Variants in MAEL observed in about 807,000 individuals in gnomAD.
MAEL encodes the protein maelstrom spermatogenic transposon silencer.
A neutral mutation model predicts 62.0 loss-of-function variants in MAEL; 46 were observed. The ratio of observed to expected loss-of-function variants is 0.74; its 90% confidence interval spans 0.59 to 0.95. MAEL has a LOEUF of 0.95. Among genes scored for constraint, MAEL ranks in the 40% least tolerant of loss-of-function variants. The pLI, the probability that MAEL is intolerant of heterozygous loss-of-function variation, is 0.00. For missense variants in MAEL, 497 were observed against 526.8 expected (o/e 0.94, Z 0.55); for synonymous variants, 172 against 175.5 (o/e 0.98, Z 0.16).
At chr1:167,009,983 A>G in intron 8 of MAEL, among the ~76,000 whole-genome samples, 1 of 152,124 alleles carries the variant, frequency 6.6e-6, no homozygotes, top group Middle Eastern at 3.2e-3. Flanking sequence ...TTAACATGGA[A>G]TGGTAATTGA....
intron 1 of MAEL, among the ~76,000 whole-genome samples, chr1:166,980,977 TGAGA>T (rs557994960): frequency 4.8e-4 from 73 of 152,226 alleles, no homozygotes; most frequent in African/African-American, 1.7e-3. Context: ...AGACAGAACC[TGAGA>T]GAGGGAAATG....
chr1:166,975,995 C>G (rs1663566943), intron 1 of MAEL, among the ~76,000 whole-genome samples: 1 of 152,160 alleles, frequency 6.6e-6, no homozygotes, highest in African/African-American at 2.4e-5. Flanking sequence ...CTGCGGTACC[C>G]CCGCCCCTCC....
chr1:167,014,193 T>G (rs185724759), intron 8 of MAEL, among the ~76,000 whole-genome samples: 3 of 152,374 alleles, frequency 2.0e-5, no homozygotes, highest in Admixed American at 2.0e-4. Context: ...ACCATTTTTA[T>G]TCTTTGCCTG....
rs1332782964 is a variant in MAEL at position 166,998,582 on chromosome 1, C to T, written c.523+4513C>T. On this transcript the variant is annotated intron_variant, in intron 5 of 11. Transcript: ENST00000367872. ...GTATGCTGACCAGTACCTCTAGTTT[C>T]TAGTGTTTCGCCAGTGAGTATGCTA... 3.9e-5 allele frequency among the ~76,000 whole-genome samples: 6 copies of T among 152,202 alleles called. No individual in the cohort carries two copies. The East Asian group carries it at 1.2e-3, about 29-fold the overall frequency.
chr1:166,978,383 T>C (rs1663657299), intron 1 of MAEL, among the ~76,000 whole-genome samples: 1 of 152,176 alleles, frequency 6.6e-6, no homozygotes. Flanking sequence ...TTAATATAAA[T>C]TTTGAAATAT....
At chr1:167,011,963 C>T (rs1050986034) in intron 8 of MAEL, among the ~76,000 whole-genome samples, 19 of 152,062 alleles carry the variant, frequency 1.2e-4, no homozygotes, top group African/African-American at 2.9e-4. Flanking sequence ...AGGTCCATGC[C>T]GTGGGATTTT....
chr1:166,989,348 C>G lies in MAEL; in HGVS notation c.-5C>G, dbSNP rs560543252. The G allele has an allele frequency of 1.9e-6, 3 of 1,608,544 alleles. No individual in the cohort carries two copies. The highest frequency in any genetic ancestry group is 2.7e-5 in the African/African-American group (2 of 75,002). ...TCTGAGGCCAGGAAGTTTGACCGCG[C>G]TGCCATGCCGAACCGTAAGGCCAGC... On this transcript the variant is annotated 5_prime_UTR_variant, in exon 1 of 12. Coordinates refer to ENST00000367872, the MANE Select transcript of MAEL (RefSeq NM_032858.3).
At position 166,991,428 on chromosome 1, in the gene MAEL, G is replaced by T; in HGVS notation, c.276G>T (p.Gln92His). 6.2e-7 allele frequency: 1 copy of T among 1,613,586 alleles called. No homozygotes were observed. Among genetic ancestry groups the T allele is most frequent in the East Asian group, 2.2e-5 (1 of 44,858 alleles). ...GGCCAGGCATGCTTGTACCAAAGCA[G>T]AATGTTTCACCTCCAGATATGTCAG... Reference protein sequence around the residue: ...LRRPGMLVPKQNVSPPDMSAL... With the variant: ...LRRPGMLVPKHNVSPPDMSAL... The change falls in exon 3 of 12, where the codon CAG (glutamine) becomes CAT (histidine). Residue 92 changes from glutamine (Q) to histidine (H), a missense_variant. Gln to His is a conservative substitution (Grantham distance 24). Coordinates refer to ENST00000367872, the MANE Select transcript of MAEL (RefSeq NM_032858.3).
upstream of MAEL, chr1:166,989,169 C>T: frequency 1.2e-6 from 1 of 829,942 alleles, no homozygotes; most frequent in East Asian, 2.7e-5. Context: ...CGGCACGAGC[C>T]GGAATCTTCC....
intron 1 of MAEL, among the ~76,000 whole-genome samples, chr1:166,981,878 G>A (rs1663769485): frequency 6.6e-6 from 1 of 152,210 alleles, no homozygotes; most frequent in Non-Finnish European, 1.5e-5. Context: ...TACCATCCAT[G>A]AGAATTTCTA....
At chr1:167,004,902 T>C (rs1447782834) in intron 6 of MAEL, among the ~76,000 whole-genome samples, 174 bp from the exon 7 acceptor site, 1 of 152,206 alleles carries the variant, frequency 6.6e-6, no homozygotes, top group Non-Finnish European at 1.5e-5. Context: ...TCTTTTCTAA[T>C]ATATGTCAAT....
chr1:166,975,740 G>C (rs1663555482), intron 1 of MAEL: 1 of 151,972 alleles, frequency 6.6e-6, no homozygotes, highest in East Asian at 1.9e-4. Context: ...GCGCGGGGGA[G>C]GCCGCCCCGC....
intron 3 of MAEL, among the ~76,000 whole-genome samples, chr1:166,991,753 CTT>C (rs1470063797): frequency 3.3e-5 from 5 of 151,690 alleles, no homozygotes; most frequent in African/African-American, 1.2e-4. Flanking sequence ...TAATTGGACA[CTT>C]AAATATACTT....
chr1:167,014,705 A>C (rs1665311582), intron 8 of MAEL, among the ~76,000 whole-genome samples: 1 of 152,210 alleles, frequency 6.6e-6, no homozygotes, highest in Non-Finnish European at 1.5e-5. Flanking sequence ...TTCCAATAAA[A>C]AATGGCCTGA....
intron 2 of MAEL, 84 bp downstream of exon 2, chr1:166,989,913 C>G: frequency 2.8e-6 from 3 of 1,065,812 alleles, no homozygotes; most frequent in Non-Finnish European, 4.1e-6. Flanking sequence ...GAGTGAATGT[C>G]AAGGGTGGAC....
At chr1:166,992,568 A>T in intron 3 of MAEL, 118 bp from the exon 4 acceptor site, 1 of 661,304 alleles carries the variant, frequency 1.5e-6, no homozygotes, top group South Asian at 2.4e-5. Context: ...ATTTAGGAAT[A>T]TAGGAACAGA....
intron 1 of MAEL, among the ~76,000 whole-genome samples, chr1:166,983,430 AT>A (rs761939084): frequency 1.3e-5 from 2 of 152,094 alleles, no homozygotes; most frequent in Non-Finnish European, 2.9e-5. Flanking sequence ...ATGAATTTAA[AT>A]ACCATCTTTA....
At position 167,021,978 on chromosome 1, in the gene MAEL, G is replaced by T; in HGVS notation, c.*123G>T. 1.5e-6 allele frequency: 1 copy of T among 657,886 alleles called. No individual in the cohort carries two copies. The highest frequency in any genetic ancestry group is 2.4e-6 in the Non-Finnish European group (1 of 413,140). 40.8% of individuals were successfully genotyped at this position (657,886 alleles called of 1,614,324 possible). ...ACTATAAAAACTACTTAATTTGTAAGGAAATTGTTTCATAGATTTAAAAAA... is the reference window on the plus strand; with the variant it reads ...ACTATAAAAACTACTTAATTTGTAATGAAATTGTTTCATAGATTTAAAAAA... On this transcript the variant is annotated 3_prime_UTR_variant, in exon 12 of 12. Transcript: ENST00000367872.
intron 9 of MAEL, among the ~76,000 whole-genome samples, chr1:167,016,653 C>T (rs1029228934): frequency 2.6e-5 from 4 of 151,528 alleles, no homozygotes; most frequent in East Asian, 1.9e-4. Context: ...CCCAAAGAAA[C>T]GAAATACATT....
Sources: gnomAD v4.1 joint callset for allele counts (sites outside exome capture counted in the v4.1 genomes callset) on GRCh38, gnomAD v4.1.1 for gene constraint, MANE v1.5 for transcripts, NCBI Gene and HGNC (gene_info 2026-07-23, HGNC 2026-07-21) for gene names.